ZC2HC1A: variants seen among roughly 807,000 people sequenced by gnomAD.
ZC2HC1A encodes the protein zinc finger C2HC domain-containing protein 1A.
In ZC2HC1A, 28 loss-of-function variants were observed where a neutral mutation model predicts 40.7. That is an observed-to-expected ratio of 0.69 (90% CI 0.51 to 0.94). The LOEUF (loss-of-function observed/expected upper bound fraction) is 0.94, where lower values mean the gene tolerates loss of function less well. ZC2HC1A is among the 40% of genes least tolerant of loss of function. ZC2HC1A has a pLI of 0.00. For missense variants in ZC2HC1A, 389 were observed against 386.3 expected (o/e 1.01, Z -0.06); for synonymous variants, 129 against 129.2 (o/e 1.00, Z 0.01).
At chr8:78,675,329 G>C (rs1170331349) in intron 1 of ZC2HC1A, among the ~76,000 whole-genome samples, 1 of 151,758 alleles carries the variant, frequency 6.6e-6, no homozygotes, top group Non-Finnish European at 1.5e-5. Flanking sequence ...CTATTGTTTG[G>C]TGGTAAACAG....
intron 3 of ZC2HC1A, 69 bp downstream of exon 3, chr8:78,678,748 G>C: frequency 9.6e-7 from 1 of 1,040,412 alleles, no homozygotes; most frequent in Non-Finnish European, 1.4e-6. Context: ...TATATTATCT[G>C]TTACAGTAAG....
chr8:78,676,868 T>C (rs993769891), intron 2 of ZC2HC1A, among the ~76,000 whole-genome samples: 7 of 152,040 alleles, frequency 4.6e-5, no homozygotes, highest in African/African-American at 1.7e-4. Context: ...AACTTAATGA[T>C]GTTATTATAA....
Position 78,717,503 on chromosome 8 carries a change from C to A in ZC2HC1A, c.*10C>A, listed in dbSNP as rs551023842. Reference sequence around the variant, plus strand: ...AAGAATGATTCTATGAATAGAATCTCAAAAAAAAAAAAAAGCCAAGTTCAG... The same window carrying A: ...AAGAATGATTCTATGAATAGAATCTAAAAAAAAAAAAAAAGCCAAGTTCAG... On this transcript the variant is annotated 3_prime_UTR_variant, in exon 9 of 9. Transcript: ENST00000263849. 5,606 of 1,256,172 alleles carry A rather than the reference C, an allele frequency of 4.5e-3. No homozygotes were observed. Among genetic ancestry groups the A allele is most frequent in the South Asian group, 0.018 (901 of 48,882 alleles). 77.8% of individuals were successfully genotyped at this position (1,256,172 alleles called of 1,614,324 possible). A position where few individuals can be genotyped will look rare whatever the true frequency, so the allele number is the denominator to read the frequency against.
chr8:78,718,849 A>G lies in ZC2HC1A; in HGVS notation c.*1356A>G, dbSNP rs1441555092. ...TGATCTTACTGTAAAGGTACAAACA[A>G]ATCTCTTATATAATTCCTAGCTTTT... On this transcript the variant is annotated 3_prime_UTR_variant, in exon 9 of 9. Transcript: ENST00000263849. 2 of 151,706 alleles carry G rather than the reference A, an allele frequency of 1.3e-5. No homozygotes were observed. The highest frequency in any genetic ancestry group is 3.9e-4 in the East Asian group (2 of 5,186). The allele number at this position is 151,706 out of a possible 1,614,324, so 9.4% of individuals were successfully genotyped here.
At chr8:78,680,589 T>G (rs993048947) in intron 3 of ZC2HC1A, among the ~76,000 whole-genome samples, 2 of 152,250 alleles carry the variant, frequency 1.3e-5, no homozygotes, top group African/African-American at 4.8e-5. Flanking sequence ...TCCTACAAAA[T>G]CATAAGCAGA....
At chr8:78,670,606 C>T (rs1272428446) in intron 1 of ZC2HC1A, among the ~76,000 whole-genome samples, 1 of 152,116 alleles carries the variant, frequency 6.6e-6, no homozygotes, top group Non-Finnish European at 1.5e-5. Context: ...AATGATGGGT[C>T]ATGTTCAGAC....
Position 78,666,106 on chromosome 8 carries a change from G to C in ZC2HC1A, c.-43G>C. 6.4e-7 allele frequency: 1 copy of C among 1,557,816 alleles called. No homozygotes were observed. The highest frequency in any genetic ancestry group is 8.7e-7 in the Non-Finnish European group (1 of 1,150,788). On this transcript the variant is annotated 5_prime_UTR_variant, in exon 1 of 9. Coordinates refer to ENST00000263849, the MANE Select transcript of ZC2HC1A (RefSeq NM_016010.3). ...CTACAGCCAGAGCTGGGCGGTGGCG[G>C]GCGCTGCTGAAGGAGTCTCGCTGAG...
chr8:78,686,854 A>G (rs931784797), intron 4 of ZC2HC1A, among the ~76,000 whole-genome samples: 1 of 152,160 alleles, frequency 6.6e-6, no homozygotes, highest in Non-Finnish European at 1.5e-5. Flanking sequence ...TTATAATATC[A>G]TTTAAAAATT....
intron 7 of ZC2HC1A, among the ~76,000 whole-genome samples, chr8:78,709,887 G>A (rs759782167): frequency 2.4e-4 from 36 of 151,956 alleles, no homozygotes; most frequent in Admixed American, 1.0e-3. Context: ...AATACCATCC[G>A]GTAAATTCTT....
intron 3 of ZC2HC1A, among the ~76,000 whole-genome samples, chr8:78,684,374 C>A (rs1210349022): frequency 6.6e-6 from 1 of 152,156 alleles, no homozygotes; most frequent in African/African-American, 2.4e-5. Flanking sequence ...TGCAGGGGAA[C>A]TGCCCTTTGT....
chr8:78,706,825 T>G (rs1810788549), intron 7 of ZC2HC1A, among the ~76,000 whole-genome samples: 1 of 152,080 alleles, frequency 6.6e-6, no homozygotes, highest in Non-Finnish European at 1.5e-5. Flanking sequence ...CAATTCAGAC[T>G]ACATAGAAAA....
At chr8:78,712,125 G>A in intron 7 of ZC2HC1A, 1 of 1,253,246 alleles carries the variant, frequency 8.0e-7, no homozygotes, top group Non-Finnish European at 1.0e-6. Context: ...TTGTAACTCA[G>A]TTTGGTTAAT....
Position 78,715,460 on chromosome 8 carries a change from A to G in ZC2HC1A, c.812+132A>G, listed in dbSNP as rs1052030623. ...ATTTTTTTCTTTTAATCTGGCTTTTAAGTTGTACACCTCTAATGGATTTGG... is the reference window on the plus strand; with the variant it reads ...ATTTTTTTCTTTTAATCTGGCTTTTGAGTTGTACACCTCTAATGGATTTGG... On this transcript the variant is annotated intron_variant, in intron 8 of 8. Transcript: ENST00000263849. The G allele has an allele frequency of 1.6e-5, 12 of 756,502 alleles. No homozygotes were observed. The East Asian group carries it at 3.5e-4, about 22-fold the overall frequency. The allele number at this position is 756,502 out of a possible 1,614,324, so 46.9% of individuals were successfully genotyped here. A position where few individuals can be genotyped will look rare whatever the true frequency, so the allele number is the denominator to read the frequency against.
intron 1 of ZC2HC1A, among the ~76,000 whole-genome samples, chr8:78,666,383 G>C (rs2130395882): frequency 6.6e-6 from 1 of 152,338 alleles, no homozygotes; most frequent in Non-Finnish European, 1.5e-5. Flanking sequence ...GTCTTCAACT[G>C]GGCTTTCCCG....
At chr8:78,713,573 G>A (rs557879927) in intron 7 of ZC2HC1A, among the ~76,000 whole-genome samples, 1 of 152,220 alleles carries the variant, frequency 6.6e-6, no homozygotes, top group Non-Finnish European at 1.5e-5. Flanking sequence ...TCCCCAAAGA[G>A]GCTATACACA....
chr8:78,713,948 A>G (rs541345331), intron 7 of ZC2HC1A, among the ~76,000 whole-genome samples: 1 of 152,254 alleles, frequency 6.6e-6, no homozygotes, highest in South Asian at 2.1e-4. Context: ...AAAATAGTGG[A>G]TGTTGTTATT....
intron 3 of ZC2HC1A, among the ~76,000 whole-genome samples, chr8:78,684,829 A>G (rs1809911210): frequency 6.6e-6 from 1 of 152,222 alleles, no homozygotes; most frequent in African/African-American, 2.4e-5. Context: ...ACAAAGTAAA[A>G]AAATACTACT....
chr8:78,699,766 A>G (rs939141729), intron 7 of ZC2HC1A, among the ~76,000 whole-genome samples: 12 of 152,120 alleles, frequency 7.9e-5, no homozygotes, highest in Non-Finnish European at 1.6e-4. Flanking sequence ...AATGGCCTCC[A>G]GCTCCATTCA....
rs569657473 is a variant in ZC2HC1A at position 78,689,219 on chromosome 8, T to C, written c.353-3T>C. On this transcript the variant is annotated splice_polypyrimidine_tract_variant and splice_region_variant and intron_variant, in intron 4 of 8. Coordinates refer to ENST00000263849, the MANE Select transcript of ZC2HC1A (RefSeq NM_016010.3). Reference sequence around the variant, plus strand: ...AATCTGTTTCCGTTTTTATCTGTTATAGATTATATTCAATGTCCATATTGT... The same window carrying C: ...AATCTGTTTCCGTTTTTATCTGTTACAGATTATATTCAATGTCCATATTGT... The C allele has an allele frequency of 1.9e-6, 3 of 1,550,392 alleles. No individual in the cohort carries two copies. Among genetic ancestry groups the C allele is most frequent in the East Asian group, 4.7e-5 (2 of 42,348 alleles).
Sources: gnomAD v4.1 joint callset for allele counts (sites outside exome capture counted in the v4.1 genomes callset) on GRCh38, gnomAD v4.1.1 for gene constraint, MANE v1.5 for transcripts, NCBI Gene and HGNC (gene_info 2026-07-23, HGNC 2026-07-21) for gene names.